The following MLLT11 variants were observed in gnomAD, a reference collection of about 807,000 sequenced individuals.
The protein encoded by MLLT11 is MLLT11 transcription factor 7 cofactor.
MLLT11 carries 1 observed loss-of-function variant against 5.3 expected under a neutral mutation model. The ratio of observed to expected loss-of-function variants is 0.19; its 90% confidence interval spans 0.07 to 0.89. The LOEUF (loss-of-function observed/expected upper bound fraction) is 0.89. MLLT11 is among the 40% of genes least tolerant of loss of function. The pLI is 0.67. For missense variants in MLLT11, 87 were observed against 107.3 expected (o/e 0.81, Z 0.83); for synonymous variants, 38 against 41.7 (o/e 0.91, Z 0.34).
At chr1:151,063,413 T>A (rs1045256781) in intron 1 of MLLT11, among the ~76,000 whole-genome samples, 6 of 152,172 alleles carry the variant, frequency 3.9e-5, no homozygotes, top group East Asian at 3.9e-4. Context: ...CTTCTTTTTT[T>A]AATTTTTATT....
chr1:151,063,216 G>T (rs1423800203), intron 1 of MLLT11, among the ~76,000 whole-genome samples: 1 of 152,040 alleles, frequency 6.6e-6, no homozygotes, highest in African/African-American at 2.4e-5. Context: ...TTCTTTTTCT[G>T]CCTTAGTACA....
At chr1:151,066,311 G>A (rs921778822) in intron 1 of MLLT11, among the ~76,000 whole-genome samples, 1 of 152,120 alleles carries the variant, frequency 6.6e-6, no homozygotes, top group African/African-American at 2.4e-5. Context: ...CTAACATTTT[G>A]TATTTTTAGT....
rs754388130 is a variant in MLLT11, at chr1:151,067,314, G to A, written c.90G>A (p.Leu30=). 3.1e-6 allele frequency: 5 copies of A among 1,613,984 alleles called. No homozygotes were observed. The African/African-American group carries it at 4.0e-5, about 13-fold the overall frequency. The change falls in exon 2 of 2, where the codon CTG becomes CTA. Residue 30 remains leucine (L), a synonymous_variant. Transcript: ENST00000368921. ...PELDLSELEG[L]GLSDTATYKV... ...TGGATCTGTCGGAGCTGGAAGGCCT[G>A]GGTCTGTCAGATACAGCCACCTACA...
intron 1 of MLLT11, among the ~76,000 whole-genome samples, chr1:151,066,509 A>G (rs1676478137): frequency 1.3e-5 from 2 of 152,232 alleles, no homozygotes; most frequent in Admixed American, 1.3e-4. Flanking sequence ...TAACTGTAAC[A>G]GAGGATATAC....
chr1:151,061,356 C>A (rs957191170), intron 1 of MLLT11, among the ~76,000 whole-genome samples: 1 of 152,160 alleles, frequency 6.6e-6, no homozygotes, highest in Non-Finnish European at 1.5e-5. Context: ...GTTGAGTAGG[C>A]CTTGGATGCC....
chr1:151,062,056 T>A (rs587644608), intron 1 of MLLT11, among the ~76,000 whole-genome samples: 23 of 152,260 alleles, frequency 1.5e-4, no homozygotes, highest in Admixed American at 1.5e-3. Flanking sequence ...GCTTTTTTTT[T>A]TTTCTCAGAT....
chr1:151,068,196 C>T lies in MLLT11; in HGVS notation c.*699C>T. ...ACTCACTTTACAACTTTGCTCCTAACTGTGGGTTGAAAACTCTAGCTAAAG... is the reference window on the plus strand; with the variant it reads ...ACTCACTTTACAACTTTGCTCCTAATTGTGGGTTGAAAACTCTAGCTAAAG... On this transcript the variant is annotated 3_prime_UTR_variant, in exon 2 of 2. Coordinates refer to ENST00000368921, the MANE Select transcript of MLLT11 (RefSeq NM_006818.4). The T allele has an allele frequency of 4.2e-6, 1 of 239,242 alleles. No individual in the cohort carries two copies. 14.8% of individuals were successfully genotyped at this position (239,242 alleles called of 1,614,324 possible).
At chr1:151,061,294 C>A (rs1676403375) in intron 1 of MLLT11, among the ~76,000 whole-genome samples, 1 of 152,158 alleles carries the variant, frequency 6.6e-6, no homozygotes, top group Non-Finnish European at 1.5e-5. Context: ...CCACCACCAC[C>A]ACCTTGTCCT....
intron 1 of MLLT11, 157 bp from the exon 2 acceptor site, chr1:151,067,062 G>GTAA: frequency 1.8e-6 from 1 of 553,714 alleles, no homozygotes; most frequent in Non-Finnish European, 3.0e-6. Context: ...CCTTTTTACT[G>GTAA]GTGGGATTGG....
chr1:151,064,008 A>AT (rs1488072931), intron 1 of MLLT11, among the ~76,000 whole-genome samples: 1 of 115,784 alleles, frequency 8.6e-6, no homozygotes, highest in Non-Finnish European at 1.9e-5. Flanking sequence ...TAGGAAAGTT[A>AT]TTTATTTATT....
At chr1:151,065,581 T>G (rs1424190652) in intron 1 of MLLT11, among the ~76,000 whole-genome samples, 2 of 151,878 alleles carry the variant, frequency 1.3e-5, no homozygotes, top group South Asian at 4.1e-4. Context: ...TACAGGGTGT[T>G]GGGGGAGATG....
chr1:151,068,101 G>C lies in MLLT11; in HGVS notation c.*604G>C, dbSNP rs1344818241. 4.2e-6 allele frequency: 1 copy of C among 240,264 alleles called. No homozygotes were observed. The highest frequency in any genetic ancestry group is 2.2e-5 in the African/African-American group (1 of 44,886). The allele number at this position is 240,264 out of a possible 1,614,324, so 14.9% of individuals were successfully genotyped here. ...GGAAATATTATGGAAAATGAAAATA[G>C]GGAAAATAATTGAATCATTTTAGAA... On this transcript the variant is annotated 3_prime_UTR_variant, in exon 2 of 2. Coordinates refer to ENST00000368921, the MANE Select transcript of MLLT11 (RefSeq NM_006818.4).
chr1:151,066,199 G>T (rs1676474427), intron 1 of MLLT11, among the ~76,000 whole-genome samples: 1 of 151,482 alleles, frequency 6.6e-6, no homozygotes, highest in Admixed American at 6.6e-5. Flanking sequence ...CTGTTGCCCA[G>T]GTTGGAAGGC....
rs1676488743 is a variant in MLLT11 at position 151,067,296 on chromosome 1, G to A, written c.72G>A (p.Leu24=). The A allele has an allele frequency of 3.1e-6, 5 of 1,614,098 alleles. No homozygotes were observed. Among genetic ancestry groups the A allele is most frequent in the Non-Finnish European group, 4.2e-6 (5 of 1,180,012 alleles). Reference sequence around the variant, plus strand: ...GGATGCCCATCCCAGAACTGGATCTGTCGGAGCTGGAAGGCCTGGGTCTGT... The same window carrying A: ...GGATGCCCATCCCAGAACTGGATCTATCGGAGCTGGAAGGCCTGGGTCTGT... ...FWRMPIPELD[L]SELEGLGLSD... The change falls in exon 2 of 2, where the codon CTG becomes CTA. Residue 24 remains leucine (L), a synonymous_variant. Coordinates refer to ENST00000368921, the MANE Select transcript of MLLT11 (RefSeq NM_006818.4).
chr1:151,068,395 T>C lies in MLLT11; in HGVS notation c.*898T>C, dbSNP rs1358764516. The C allele has an allele frequency of 1.3e-5, 3 of 223,874 alleles. No homozygotes were observed. The highest frequency in any genetic ancestry group is 2.9e-5 in the Non-Finnish European group (3 of 102,806). 13.9% of individuals were successfully genotyped at this position (223,874 alleles called of 1,614,324 possible). The stretch of plus-strand genomic sequence containing the variant: ...ACATTGAGACCCTGAAATGAACAAT[T>C]ATATTCTGACTCGACATCTTGTCCC... On this transcript the variant is annotated 3_prime_UTR_variant, in exon 2 of 2. Transcript: ENST00000368921.
Position 151,067,256 on chromosome 1 carries a change from C to T in MLLT11, c.32C>T (p.Ser11Phe). The T allele has an allele frequency of 1.2e-6, 2 of 1,614,102 alleles. No individual in the cohort carries two copies. The highest frequency in any genetic ancestry group is 1.7e-6 in the Non-Finnish European group (2 of 1,180,030). The stretch of plus-strand genomic sequence containing the variant: ...GACCCTGTGAGTAGCCAGTACAGTT[C>T]CTTTCTTTTCTGGAGGATGCCCATC... Reference protein sequence around the residue: MRDPVSSQYSSFLFWRMPIPE... With the variant: MRDPVSSQYSFFLFWRMPIPE... The change falls in exon 2 of 2, where the codon TCC (serine) becomes TTC (phenylalanine). Residue 11 changes from serine to phenylalanine, a missense_variant. Physicochemically the swap from Ser to Phe is radical, Grantham distance 155. Coordinates refer to ENST00000368921, the MANE Select transcript of MLLT11 (RefSeq NM_006818.4).
intron 1 of MLLT11, among the ~76,000 whole-genome samples, chr1:151,064,721 A>T (rs1676452545): frequency 6.6e-6 from 1 of 152,184 alleles, no homozygotes; most frequent in Non-Finnish European, 1.5e-5. Flanking sequence ...ATGACACAGC[A>T]AGGCCCTGTT....
At position 151,068,371 on chromosome 1, in the gene MLLT11, C is replaced by T. The variant is rs1189269730; in HGVS notation, c.*874C>T. On this transcript the variant is annotated 3_prime_UTR_variant, in exon 2 of 2. Coordinates refer to ENST00000368921, the MANE Select transcript of MLLT11 (RefSeq NM_006818.4). ...ATCAGTGGGCACAGTTCTTCAGCTACATTGAGACCCTGAAATGAACAATTA... is the reference window on the plus strand; with the variant it reads ...ATCAGTGGGCACAGTTCTTCAGCTATATTGAGACCCTGAAATGAACAATTA... 4.4e-6 allele frequency: 1 copy of T among 225,502 alleles called. No homozygotes were observed. The highest frequency in any genetic ancestry group is 2.3e-5 in the African/African-American group (1 of 44,130). 14.0% of individuals were successfully genotyped at this position (225,502 alleles called of 1,614,324 possible).
chr1:151,067,356 C>T lies in MLLT11; in HGVS notation c.132C>T (p.Ser44=), dbSNP rs1571858047. ...CCACCTACAAGGTCAAAGACAGCAG[C>T]GTTGGCAAAATGATCGGGCAAGCAA... ...DTATYKVKDS[S]VGKMIGQATA... The change falls in exon 2 of 2, where the codon AGC becomes AGT. Residue 44 remains serine, a synonymous_variant. Transcript: ENST00000368921. 2.5e-6 allele frequency: 4 copies of T among 1,614,024 alleles called. No individual in the cohort carries two copies. The highest frequency in any genetic ancestry group is 2.7e-5 in the African/African-American group (2 of 74,910).
Sources: gnomAD v4.1 joint callset for allele counts (sites outside exome capture counted in the v4.1 genomes callset) on GRCh38, gnomAD v4.1.1 for gene constraint, MANE v1.5 for transcripts, NCBI Gene and HGNC (gene_info 2026-07-23, HGNC 2026-07-21) for gene names.